FCRL3: variants seen among roughly 807,000 people sequenced by gnomAD.
The protein encoded by FCRL3 is Fc receptor-like protein 3.
A neutral mutation model predicts 75.0 loss-of-function variants in FCRL3; 89 were observed. That is an observed-to-expected ratio of 1.19 (90% confidence interval 1.00 to 1.42). The LOEUF is 1.42. FCRL3 is among the 40% of genes most tolerant of loss of function. FCRL3 has a pLI of 0.00. For synonymous variants in FCRL3, 376 were observed against 348.5 expected (o/e 1.08, Z -0.88); for missense variants, 946 against 880.0 (o/e 1.07, Z -0.95).
Position 157,678,372 on chromosome 1 carries a change from T to C in FCRL3, c.*338A>G. 8.8e-7 allele frequency: 1 copy of C among 1,130,556 alleles called. No homozygotes were observed. The highest frequency in any genetic ancestry group is 1.1e-6 in the Non-Finnish European group (1 of 919,004). 70.0% of individuals were successfully genotyped at this position (1,130,556 alleles called of 1,614,324 possible). A position where few individuals can be genotyped will look rare whatever the true frequency, so the allele number is the denominator to read the frequency against. ...GCACATTAACAGCTTTCGATCACAC[T>C]TGGATCAAATGGTCATGATTGTGCC... On this transcript the variant is annotated 3_prime_UTR_variant, in exon 15 of 15. Coordinates refer to ENST00000368184, the MANE Select transcript of FCRL3 (RefSeq NM_052939.4).
intron 10 of FCRL3, among the ~76,000 whole-genome samples, chr1:157,684,504 G>T (rs549812922): frequency 2.6e-5 from 4 of 152,100 alleles, no homozygotes; most frequent in African/African-American, 9.7e-5. Context: ...TCTGTGGGTG[G>T]TTAGCTCCGA....
At position 157,678,742 on chromosome 1, in the gene FCRL3, C is replaced by G. The variant is rs770073536; in HGVS notation, c.2173G>C (p.Val725Leu). The change falls in exon 15 of 15, where the codon GTA becomes CTA. Residue 725 changes from valine (V) to leucine (L), a missense_variant. Coordinates refer to ENST00000368184, the MANE Select transcript of FCRL3 (RefSeq NM_052939.4). The part of the protein sequence containing the change: ...EEDDEENYEN[V>L]PRVLLASDH Reference sequence around the variant, plus strand: ...TCTGAGGCCAGTAATACACGTGGTACATTCTCATAGTTTTCTTCATCATCT... The same window carrying G: ...TCTGAGGCCAGTAATACACGTGGTAGATTCTCATAGTTTTCTTCATCATCT... 1 of 1,613,916 alleles carries G rather than the reference C, an allele frequency of 6.2e-7. No individual in the cohort carries two copies. Among genetic ancestry groups the G allele is most frequent in the Admixed American group, 1.7e-5 (1 of 59,994 alleles).
At chr1:157,684,063 T>C (rs1260703679) in intron 10 of FCRL3, among the ~76,000 whole-genome samples, 1 of 152,196 alleles carries the variant, frequency 6.6e-6, no homozygotes, top group Admixed American at 6.5e-5. Context: ...AAAGATGTGT[T>C]AAACAACTGA....
Position 157,696,230 on chromosome 1 carries a change from A to G in FCRL3, c.942T>C (p.Gly314=), listed in dbSNP as rs774568399. 3.7e-6 allele frequency: 6 copies of G among 1,613,746 alleles called. No homozygotes were observed. The Middle Eastern group carries it at 6.6e-4, about 178-fold the overall frequency. Residue 314 remains glycine, a synonymous_variant, in exon 7 of 15, where the codon GGT becomes GGC. Transcript: ENST00000368184. ...NMVLICSVAQ[G]SGTVTFSWHK... ...GCCAGGAGAATGTGACAGTCCCTGA[A>G]CCCTGGGCTACTGAGCAAATAAGGA... is the stretch of plus-strand genomic sequence containing the variant.
intron 3 of FCRL3, among the ~76,000 whole-genome samples, chr1:157,699,304 G>C (rs1384282766): frequency 6.6e-6 from 1 of 152,170 alleles, no homozygotes; most frequent in Non-Finnish European, 1.5e-5. Context: ...TAAGGATTCT[G>C]CTGTAGCATC....
chr1:157,697,080 T>G, intron 6 of FCRL3, 60 bp downstream of exon 6: 1 of 1,357,550 alleles, frequency 7.4e-7, no homozygotes, highest in Non-Finnish European at 9.6e-7. Context: ...GTGCAGGAGA[T>G]ATCACTGGCC....
Position 157,696,317 on chromosome 1 carries a change from C to A in FCRL3, c.855G>T (p.Val285=). ...GCCGGATCTCTAGATTCACATTAGACACAGGGACTCCTGGGGGAACACAAG... is the reference window on the plus strand; with the variant it reads ...GCCGGATCTCTAGATTCACATTAGAAACAGGGACTCCTGGGGGAACACAAG... The part of the protein sequence containing the change: ...RSQIRVQRVP[V]SNVNLEIRPT... Residue 285 remains valine (V), a synonymous_variant, in exon 7 of 15, where the codon GTG becomes GTT. Coordinates refer to ENST00000368184, the MANE Select transcript of FCRL3 (RefSeq NM_052939.4). 2 of 1,613,996 alleles carry A rather than the reference C, an allele frequency of 1.2e-6. No individual in the cohort carries two copies. The highest frequency in any genetic ancestry group is 1.7e-4 in the Middle Eastern group (1 of 6,060).
Position 157,683,205 on chromosome 1 carries a change from C to T in FCRL3, c.1838+12G>A, listed in dbSNP as rs775962948. 5.6e-6 allele frequency: 9 copies of T among 1,611,950 alleles called. No individual in the cohort carries two copies. The South Asian group carries it at 9.9e-5, about 18-fold the overall frequency. On this transcript the variant is annotated intron_variant, in intron 11 of 14. Transcript: ENST00000368184. ...ATGAAAATGTTGGCAGCACAAGAAG[C>T]AGAGACCTCACCTAGATGTTCCAGT...
In FCRL3 at chr1:157,697,789, A is replaced by AGATCT; in HGVS notation, c.428_429insAGATC (p.Ser143ArgfsTer6). 6.2e-7 allele frequency: 1 copy of AGATCT among 1,614,100 alleles called. No homozygotes were observed. The highest frequency in any genetic ancestry group is 2.2e-5 in the East Asian group (1 of 44,878). On this transcript the variant is annotated frameshift_variant, in exon 5 of 15. Transcript: ENST00000368184. LOFTEE classifies it high-confidence loss of function. ...TCACTGTGATCTTCTCTAAATTATA[A>AGATCT]CTATTAGGAAGCTGTTTTCCATCCT...
rs1417709095 is a variant in FCRL3, at chr1:157,690,418, C to T, written c.1527G>A (p.Trp509Ter). ...SLRGSFPILY[W>*]FYHEDDTLGN... ...CCAAGGTGTCATCCTCGTGATAAAA[C>T]CAGTACAGGATCGGGAAGGAGCCTC... The change falls in exon 9 of 15, where the codon TGG (tryptophan) becomes TGA (stop). Residue 509 changes from tryptophan to a stop codon, truncating the protein, a stop_gained. Transcript: ENST00000368184. LOFTEE classifies it high-confidence loss of function. 1 of 1,614,190 alleles carries T rather than the reference C, an allele frequency of 6.2e-7. No individual in the cohort carries two copies. The highest frequency in any genetic ancestry group is 2.2e-5 in the East Asian group (1 of 44,882).
upstream of FCRL3, chr1:157,700,863 G>C (rs1294135747): frequency 3.7e-6 from 2 of 536,090 alleles, no homozygotes; most frequent in African/African-American, 4.0e-5. Flanking sequence ...TCACTACCTT[G>C]TCTTCACACA....
At position 157,686,911 on chromosome 1, in the gene FCRL3, T is replaced by C. The variant is rs114017945; in HGVS notation, c.1810+2887A>G. On this transcript the variant is annotated intron_variant, in intron 10 of 14. Coordinates refer to ENST00000368184, the MANE Select transcript of FCRL3 (RefSeq NM_052939.4). ...ATTTTTGGCTAAGTTCCCAAAGCAATTGCAACAAAAACAAAAATTGACAAG... is the reference window on the plus strand; with the variant it reads ...ATTTTTGGCTAAGTTCCCAAAGCAACTGCAACAAAAACAAAAATTGACAAG... 8.7e-3 allele frequency among the ~76,000 whole-genome samples: 1,330 copies of C among 152,102 alleles called. 14 individuals carry two copies. The highest frequency in any genetic ancestry group is 0.031 in the South Asian group (149 of 4,830).
intron 3 of FCRL3, among the ~76,000 whole-genome samples, chr1:157,698,863 G>A (rs2101627625): frequency 6.6e-6 from 1 of 152,322 alleles, no homozygotes; most frequent in South Asian, 2.1e-4. Flanking sequence ...TCAGTTTCCT[G>A]GCATAGCCTC....
chr1:157,700,549 C>T lies in FCRL3; in HGVS notation c.-60G>A, dbSNP rs1444431171. On this transcript the variant is annotated 5_prime_UTR_variant, in exon 2 of 15. Transcript: ENST00000368184. ...TCTCACCAAAAGCCCGACTTATCTC[C>T]AAGAAGGAGGGCAGGAAGCTGCTAC... The T allele has an allele frequency of 1.2e-5, 20 of 1,613,154 alleles. No homozygotes were observed. The highest frequency in any genetic ancestry group is 1.6e-5 in the Non-Finnish European group (19 of 1,179,630).
At chr1:157,694,844 A>G (rs1655781639) in intron 8 of FCRL3, among the ~76,000 whole-genome samples, 2 of 152,306 alleles carry the variant, frequency 1.3e-5, no homozygotes, top group South Asian at 2.1e-4. Flanking sequence ...CTGTGATCCT[A>G]GTGGCTGACA....
chr1:157,695,607 A>G lies in FCRL3; in HGVS notation c.1133T>C (p.Ile378Thr). The change falls in exon 8 of 15, where the codon ATT becomes ACT. Residue 378 changes from isoleucine (I) to threonine (T), a missense_variant and splice_region_variant. Ile to Thr is a moderately conservative substitution (Grantham distance 89, BLOSUM62 -1). Coordinates refer to ENST00000368184, the MANE Select transcript of FCRL3 (RefSeq NM_052939.4). Reference protein sequence around the residue: ...LSTWIRVTVRIPVSHPVLTFR... With the variant: ...LSTWIRVTVRTPVSHPVLTFR... ...GGTGAGGACAGGGTGAGATACCGGA[A>G]CTGAAGGAGACAAAAGGGCTGTCAG... 1 of 1,595,668 alleles carries G rather than the reference A, an allele frequency of 6.3e-7. No homozygotes were observed.
At chr1:157,692,630 G>A (rs1179717900) in intron 8 of FCRL3, among the ~76,000 whole-genome samples, 1 of 152,154 alleles carries the variant, frequency 6.6e-6, no homozygotes, top group African/African-American at 2.4e-5. Flanking sequence ...TTGTGGCAAA[G>A]TTCTAAAAAG....
rs1220125044 is a variant in FCRL3, at chr1:157,696,324, A to G, written c.848T>C (p.Val283Ala). 5 of 1,613,420 alleles carry G rather than the reference A, an allele frequency of 3.1e-6. No individual in the cohort carries two copies. Among genetic ancestry groups the G allele is most frequent in the Non-Finnish European group, 4.2e-6 (5 of 1,179,684 alleles). Reference protein sequence around the residue: ...SLRSQIRVQRVPVSNVNLEIR... With the variant: ...SLRSQIRVQRAPVSNVNLEIR... ...CTCTAGATTCACATTAGACACAGGG[A>G]CTCCTGGGGGAACACAAGATGGCAT... is the stretch of plus-strand genomic sequence containing the variant. The change falls in exon 7 of 15, where the codon GTC becomes GCC. Residue 283 changes from valine to alanine, a missense_variant. Physicochemically the swap from Val to Ala is moderately conservative, Grantham distance 64 (BLOSUM62 0). Transcript: ENST00000368184.
Position 157,697,352 on chromosome 1 carries a change from C to G in FCRL3, c.632G>C (p.Cys211Ser), listed in dbSNP as rs1655992015. ...PIEGSPMTLTCETQLSPQRPD... is the reference protein window; with the variant it reads ...PIEGSPMTLTSETQLSPQRPD... ...CCTCTGTGGAGAGAGCTGGGTCTCA[C>G]AGGTCAGGGTCATGGGACTCCCCTC... is the stretch of plus-strand genomic sequence containing the variant. Residue 211 changes from cysteine to serine, a missense_variant, in exon 6 of 15, where the codon TGT (cysteine) becomes TCT (serine). By Grantham distance (112) the Cys-to-Ser change is moderately radical. Coordinates refer to ENST00000368184, the MANE Select transcript of FCRL3 (RefSeq NM_052939.4). 1 of 1,607,816 alleles carries G rather than the reference C, an allele frequency of 6.2e-7. No homozygotes were observed. Among genetic ancestry groups the G allele is most frequent in the African/African-American group, 1.3e-5 (1 of 74,714 alleles).
Sources: allele counts gnomAD v4.1 joint callset (sites outside exome capture counted in the v4.1 genomes callset), GRCh38; gene constraint gnomAD v4.1.1; transcripts MANE v1.5; gene names NCBI Gene and HGNC (gene_info 2026-07-23, HGNC 2026-07-21).